Variants in PPP4R4 observed in about 807,000 individuals in gnomAD.
PPP4R4 encodes the protein protein phosphatase 4 regulatory subunit 4, also known as serine/threonine-protein phosphatase 4 regulatory subunit 4.
In PPP4R4, 70 loss-of-function variants were observed where a neutral mutation model predicts 121.8. The ratio of observed to expected loss-of-function variants is 0.57; its 90% CI spans 0.47 to 0.70. The LOEUF (loss-of-function observed/expected upper bound fraction) is 0.70, where lower values mean the gene tolerates loss of function less well. Ranked by LOEUF, PPP4R4 falls within the 30% of genes least tolerant of loss-of-function variation. PPP4R4 has a pLI of 0.00. For missense variants in PPP4R4, 875 were observed against 1,033.6 expected (o/e 0.85, Z 2.10); for synonymous variants, 348 against 355.7 (o/e 0.98, Z 0.24).
chr14:94,175,907 T>G, intron 1 of PPP4R4, 147 bp from the exon 2 acceptor site: 1 of 660,780 alleles, frequency 1.5e-6, no homozygotes. Context: ...TCGCCTGGTA[T>G]CCTCAGCTCC....
Position 94,265,447 on chromosome 14 carries a change from G to T in PPP4R4, c.2258G>T (p.Gly753Val). The change falls in exon 21 of 25, where the codon GGA becomes GTA. Residue 753 changes from glycine (G) to valine (V), a missense_variant. Coordinates refer to ENST00000304338, the MANE Select transcript of PPP4R4 (RefSeq NM_058237.2). ...AAGAACATCCCCATTTCTGTTCCTGGACCCTCTTCTGTCACCCCATCGACA... is the reference window on the plus strand; with the variant it reads ...AAGAACATCCCCATTTCTGTTCCTGTACCCTCTTCTGTCACCCCATCGACA... Reference protein sequence around the residue: ...LPKNIPISVPGPSSVTPSTSK... With the variant: ...LPKNIPISVPVPSSVTPSTSK... 1.2e-6 allele frequency: 2 copies of T among 1,612,426 alleles called. No individual in the cohort carries two copies. The highest frequency in any genetic ancestry group is 1.7e-6 in the Non-Finnish European group (2 of 1,178,530).
At chr14:94,200,481 G>T (rs1371667303) in intron 2 of PPP4R4, among the ~76,000 whole-genome samples, 1 of 152,084 alleles carries the variant, frequency 6.6e-6, no homozygotes, top group Non-Finnish European at 1.5e-5. Context: ...CTCTTTGTTG[G>T]CAATTTTTAA....
At chr14:94,264,323 T>A (rs186587214) in intron 19 of PPP4R4, among the ~76,000 whole-genome samples, 10 of 152,174 alleles carry the variant, frequency 6.6e-5, no homozygotes, top group Admixed American at 5.2e-4. Context: ...TAATTTTTTT[T>A]ATGTTTTTAG....
At position 94,278,864 on chromosome 14, in the gene PPP4R4, A is replaced by G. The variant is rs1279222117; in HGVS notation, c.*221A>G. 3.1e-6 allele frequency: 1 copy of G among 323,874 alleles called. No homozygotes were observed. Among genetic ancestry groups the G allele is most frequent in the Non-Finnish European group, 5.5e-6 (1 of 180,766 alleles). The allele number at this position is 323,874 out of a possible 1,614,324, so 20.1% of individuals were successfully genotyped here. ...GTATAATATATATTTCTTGAGTAATAATGTGGTTACGGAATTCCAATGTTA... is the reference window on the plus strand; with the variant it reads ...GTATAATATATATTTCTTGAGTAATGATGTGGTTACGGAATTCCAATGTTA... On this transcript the variant is annotated 3_prime_UTR_variant, in exon 25 of 25. Transcript: ENST00000304338.
At chr14:94,195,316 G>A (rs2139414379) in intron 2 of PPP4R4, among the ~76,000 whole-genome samples, 1 of 152,282 alleles carries the variant, frequency 6.6e-6, no homozygotes, top group East Asian at 1.9e-4. Flanking sequence ...CAGAATCTCT[G>A]GGGGTGGGAC....
intron 16 of PPP4R4, 82 bp from the exon 17 acceptor site, chr14:94,256,378 A>G (rs952419796): frequency 2.6e-6 from 3 of 1,155,616 alleles, no homozygotes; most frequent in African/African-American, 1.6e-5. Flanking sequence ...CTCTCAGGCT[A>G]TCTAAAACTT....
chr14:94,251,514 G>T lies in PPP4R4; in HGVS notation c.1718-235G>T, dbSNP rs147248083. On this transcript the variant is annotated intron_variant, in intron 15 of 24. Transcript: ENST00000304338. ...TACAGTCATTCCATAGTTAATAAAT[G>T]CTTATGAAATTGAATGAAATGTTTG... 3.2e-3 allele frequency among the ~76,000 whole-genome samples: 491 copies of T among 152,120 alleles called. 1 individual carries two copies. The highest frequency in any genetic ancestry group is 0.014 in the Middle Eastern group (4 of 294).
At chr14:94,248,299 C>G (rs556073877) in intron 14 of PPP4R4, among the ~76,000 whole-genome samples, 1 of 152,218 alleles carries the variant, frequency 6.6e-6, no homozygotes, top group African/African-American at 2.4e-5. Flanking sequence ...ATCAAGAATG[C>G]AATCCCAATT....
intron 2 of PPP4R4, among the ~76,000 whole-genome samples, chr14:94,177,268 C>G (rs927019630): frequency 6.6e-6 from 1 of 152,124 alleles, no homozygotes; most frequent in Admixed American, 6.5e-5. Flanking sequence ...TTATTTTCCC[C>G]CCTCTTTGGG....
rs537467916 is a variant in PPP4R4, at chr14:94,218,662, G to GCA, written c.294+10108_294+10109dup. 1.7e-3 allele frequency among the ~76,000 whole-genome samples: 136 copies of GCA among 78,950 alleles called. 4 individuals are homozygous for GCA. The highest frequency in any genetic ancestry group is 6.5e-3 in the African/African-American group (123 of 18,782). The allele number at this position is 78,950 out of a possible 152,430, so 51.8% of individuals were successfully genotyped here. ...CCTCACCTCTAGACACTGCGCGCGCGCACACACACACACTCACCCCTAGAC... is the reference window on the plus strand; with the variant it reads ...CCTCACCTCTAGACACTGCGCGCGCGCACACACACACACACTCACCCCTAGAC... On this transcript the variant is annotated intron_variant, in intron 3 of 24. Transcript: ENST00000304338.
chr14:94,193,657 G>A (rs1889718821), intron 2 of PPP4R4, among the ~76,000 whole-genome samples: 1 of 152,118 alleles, frequency 6.6e-6, no homozygotes, highest in Non-Finnish European at 1.5e-5. Flanking sequence ...GTTAGGTACT[G>A]GAGAATAAGA....
intron 3 of PPP4R4, among the ~76,000 whole-genome samples, chr14:94,225,097 G>A (rs563995426): frequency 6.6e-6 from 1 of 152,018 alleles, no homozygotes; most frequent in South Asian, 2.1e-4. Flanking sequence ...GAAATGTTGG[G>A]GTTAATCTCA....
chr14:94,239,708 G>A (rs1372388060), intron 8 of PPP4R4, among the ~76,000 whole-genome samples: 1 of 152,110 alleles, frequency 6.6e-6, no homozygotes, highest in African/African-American at 2.4e-5. Flanking sequence ...AGTTGAGACA[G>A]AGCCTGCAAA....
At chr14:94,205,932 G>A (rs898626248) in intron 2 of PPP4R4, among the ~76,000 whole-genome samples, 1 of 151,946 alleles carries the variant, frequency 6.6e-6, no homozygotes, top group Non-Finnish European at 1.5e-5. Flanking sequence ...GCACTTGAAT[G>A]GAATGTGTAT....
intron 2 of PPP4R4, among the ~76,000 whole-genome samples, chr14:94,199,538 G>A (rs78383818): frequency 0.02 from 3,015 of 152,298 alleles, 211 homozygotes; most frequent in South Asian, 0.19. Context: ...CTGTATCTCG[G>A]GGTTTCTTGC....
intron 3 of PPP4R4, among the ~76,000 whole-genome samples, chr14:94,228,551 A>G (rs1417378754): frequency 6.6e-6 from 1 of 152,140 alleles, no homozygotes; most frequent in Non-Finnish European, 1.5e-5. Flanking sequence ...TAGAAAGAGG[A>G]TTGAGAATAC....
intron 2 of PPP4R4, among the ~76,000 whole-genome samples, chr14:94,197,765 AG>A (rs549724473): frequency 1.4e-3 from 211 of 152,182 alleles, no homozygotes; most frequent in Non-Finnish European, 2.6e-3. Flanking sequence ...CTGCCACTAT[AG>A]TTCAGTTTGT....
intron 2 of PPP4R4, among the ~76,000 whole-genome samples, chr14:94,207,698 A>ATATC (rs1382180515): frequency 6.6e-6 from 1 of 151,536 alleles, no homozygotes; most frequent in African/African-American, 2.4e-5. Context: ...ATATATATCT[A>ATATC]TATCTATCTA....
At position 94,256,544 on chromosome 14, in the gene PPP4R4, G is replaced by A. The variant is rs192125989; in HGVS notation, c.1950G>A (p.Met650Ile). 3 of 1,603,850 alleles carry A rather than the reference G, an allele frequency of 1.9e-6. No homozygotes were observed. The highest frequency in any genetic ancestry group is 2.6e-6 in the Non-Finnish European group (3 of 1,171,214). Residue 650 changes from methionine (M) to isoleucine (I), a missense_variant, in exon 17 of 25, where the codon ATG becomes ATA. Coordinates refer to ENST00000304338, the MANE Select transcript of PPP4R4 (RefSeq NM_058237.2). Reference sequence around the variant, plus strand: ...AGCATCTACTTCAGCAGTTAGAAATGTGTGTGAGGAAACTCCTGTGTCAAG... The same window carrying A: ...AGCATCTACTTCAGCAGTTAGAAATATGTGTGAGGAAACTCCTGTGTCAAG... ...ADKHLLQQLE[M>I]CVRKLLCQEK...
Sources: gnomAD v4.1 joint callset for allele counts (sites outside exome capture counted in the v4.1 genomes callset) on GRCh38, gnomAD v4.1.1 for gene constraint, MANE v1.5 for transcripts, NCBI Gene and HGNC (gene_info 2026-07-23, HGNC 2026-07-21) for gene names.